PAM: variants seen among roughly 807,000 people sequenced by gnomAD.
PAM encodes peptidylglycine alpha-amidating monooxygenase, also known as peptidyl-glycine alpha-amidating monooxygenase.
A neutral mutation model predicts 122.1 loss-of-function variants in PAM; 72 were observed. The ratio of observed to expected loss-of-function variants is 0.59; its 90% CI spans 0.49 to 0.72. The LOEUF (loss-of-function observed/expected upper bound fraction) is 0.72, where lower values mean the gene tolerates loss of function less well. PAM is among the 30% of genes least tolerant of loss of function. The pLI is 0.00. For synonymous variants in PAM, 389 were observed against 404.4 expected (o/e 0.96, Z 0.46); for missense variants, 1,106 against 1,183.7 (o/e 0.93, Z 0.96).
intron 3 of PAM, among the ~76,000 whole-genome samples, chr5:102,872,285 C>T (rs926093963): frequency 6.6e-6 from 1 of 152,114 alleles, no homozygotes; most frequent in African/African-American, 2.4e-5. Context: ...AGAATCACAG[C>T]AGATACCCCA....
chr5:102,834,548 G>A (rs1479800618), intron 1 of PAM, among the ~76,000 whole-genome samples: 1 of 152,130 alleles, frequency 6.6e-6, no homozygotes, highest in African/African-American at 2.4e-5. Context: ...CAGGAGCCTG[G>A]GGAAGGGTTA....
intron 1 of PAM, among the ~76,000 whole-genome samples, chr5:102,814,936 G>A (rs1279729827): frequency 6.6e-6 from 1 of 151,616 alleles, no homozygotes; most frequent in Non-Finnish European, 1.5e-5. Flanking sequence ...AAATCCATGT[G>A]TGCAGCACAC....
chr5:102,885,338 A>G (rs1413176311), intron 3 of PAM, among the ~76,000 whole-genome samples: 1 of 151,954 alleles, frequency 6.6e-6, no homozygotes, highest in Non-Finnish European at 1.5e-5. Flanking sequence ...TACCATTTCT[A>G]CAGTTGACGT....
intron 1 of PAM, among the ~76,000 whole-genome samples, chr5:102,815,826 T>G (rs917363103): frequency 5.9e-5 from 9 of 152,178 alleles, no homozygotes; most frequent in Admixed American, 4.6e-4. Context: ...TACTAAGTGT[T>G]GAAAGTTGGA....
intron 7 of PAM, among the ~76,000 whole-genome samples, chr5:102,944,472 A>G (rs979211194): frequency 6.6e-6 from 1 of 152,190 alleles, no homozygotes; most frequent in African/African-American, 2.4e-5. Flanking sequence ...ACCACCTGAA[A>G]AGAACAGCCG....
chr5:102,777,843 T>C (rs1227713398), intron 1 of PAM, among the ~76,000 whole-genome samples: 1 of 152,176 alleles, frequency 6.6e-6, no homozygotes, highest in Non-Finnish European at 1.5e-5. Flanking sequence ...GTTTTCTGTT[T>C]TTACGGATTA....
intron 5 of PAM, 149 bp from the exon 6 acceptor site, chr5:102,924,808 A>G (rs555435603): frequency 1.8e-6 from 1 of 555,960 alleles, no homozygotes; most frequent in East Asian, 2.9e-5. Context: ...TCCAGTCTTT[A>G]TTCGGATCTT....
chr5:102,857,309 C>T (rs942519572), intron 1 of PAM, among the ~76,000 whole-genome samples: 3 of 152,086 alleles, frequency 2.0e-5, no homozygotes, highest in African/African-American at 7.2e-5. Flanking sequence ...CTAATTGTTG[C>T]TGTGTGGAAA....
chr5:102,831,054 AT>A (rs1465780672), intron 1 of PAM, among the ~76,000 whole-genome samples: 1 of 114,210 alleles, frequency 8.8e-6, no homozygotes, highest in African/African-American at 3.4e-5. Context: ...TTCAGTGGGA[AT>A]TTTGGTCACT....
intron 1 of PAM, among the ~76,000 whole-genome samples, chr5:102,863,351 C>T (rs1317890669): frequency 6.6e-6 from 1 of 152,184 alleles, no homozygotes; most frequent in Non-Finnish European, 1.5e-5. Flanking sequence ...ACAGTGGAAA[C>T]TCTAACTGTC....
intron 3 of PAM, among the ~76,000 whole-genome samples, chr5:102,900,487 A>C (rs1797497082): frequency 6.6e-6 from 1 of 151,572 alleles, no homozygotes; most frequent in South Asian, 2.1e-4. Context: ...ACACAAGTAG[A>C]AACATAGGTA....
chr5:102,759,543 G>T (rs1033434852), intron 1 of PAM, among the ~76,000 whole-genome samples: 1 of 152,170 alleles, frequency 6.6e-6, no homozygotes, highest in Non-Finnish European at 1.5e-5. Context: ...GATTTCTAAA[G>T]AGGAGCTTAA....
intron 1 of PAM, among the ~76,000 whole-genome samples, chr5:102,806,518 C>T (rs1766266477): frequency 6.6e-6 from 1 of 152,170 alleles, no homozygotes; most frequent in African/African-American, 2.4e-5. Flanking sequence ...GGACATTTTT[C>T]AGTGCATATT....
At chr5:102,780,261 G>T (rs1464255635) in intron 1 of PAM, among the ~76,000 whole-genome samples, 1 of 152,022 alleles carries the variant, frequency 6.6e-6, no homozygotes, top group Non-Finnish European at 1.5e-5. Flanking sequence ...AGTGTTGGAA[G>T]ATATGCCCCG....
chr5:102,886,356 G>T (rs1793086421), intron 3 of PAM, among the ~76,000 whole-genome samples: 1 of 151,902 alleles, frequency 6.6e-6, no homozygotes. Context: ...AGTATTAATA[G>T]AGTTAATTCA....
At chr5:102,962,059 T>C (rs1762662082) in intron 14 of PAM, among the ~76,000 whole-genome samples, 1 of 151,926 alleles carries the variant, frequency 6.6e-6, no homozygotes, top group Admixed American at 6.6e-5. Context: ...CTGTTTCTTA[T>C]TGCTAGCTGC....
chr5:102,807,113 A>G (rs1169090575), intron 1 of PAM, among the ~76,000 whole-genome samples: 1 of 152,212 alleles, frequency 6.6e-6, no homozygotes, highest in East Asian at 1.9e-4. Context: ...GCTTATCTTT[A>G]CAATTACAGT....
At chr5:102,854,269 G>A (rs550368620) in intron 1 of PAM, among the ~76,000 whole-genome samples, 13 of 152,064 alleles carry the variant, frequency 8.5e-5, no homozygotes, top group Admixed American at 1.3e-4. Flanking sequence ...TATTAATAGC[G>A]TCATTATAAT....
intron 1 of PAM, among the ~76,000 whole-genome samples, chr5:102,802,000 GATCT>G (rs1561483093): frequency 4.5e-4 from 65 of 143,638 alleles, no homozygotes; most frequent in Middle Eastern, 7.5e-3. Flanking sequence ...GGATGGTCTC[GATCT>G]GATCTCCTGA....
Sources: allele counts gnomAD v4.1 joint callset (sites outside exome capture counted in the v4.1 genomes callset), GRCh38; gene constraint gnomAD v4.1.1; transcripts MANE v1.5; gene names NCBI Gene and HGNC (gene_info 2026-07-23, HGNC 2026-07-21).